Variants in ADGRF5 observed in about 807,000 individuals in gnomAD.
The protein encoded by ADGRF5 is G-protein coupled receptor 116.
In ADGRF5, 75 loss-of-function variants were observed where a neutral mutation model predicts 132.3. That is an observed-to-expected ratio of 0.57 (90% CI 0.47 to 0.69). The LOEUF is 0.69. ADGRF5 is among the 30% of genes least tolerant of loss of function. The probability of loss-of-function intolerance (pLI) is 0.00; values close to 1 mark genes in which losing one functional copy is unlikely to be tolerated. For synonymous variants in ADGRF5, 629 were observed against 597.6 expected, an observed-to-expected ratio of 1.05 and a Z score of -0.77; for missense variants, 1,516 against 1,630.6, an observed-to-expected ratio of 0.93 and a Z score of 1.21.
At chr6:46,893,409 T>G (rs865960842) in intron 3 of ADGRF5, among the ~76,000 whole-genome samples, 4 of 152,066 alleles carry the variant, frequency 2.6e-5, no homozygotes, top group African/African-American at 9.7e-5. Context: ...GATCAGCACC[T>G]AAGGAGCAGC....
chr6:46,948,420 C>A (rs979052007), intron 1 of ADGRF5, among the ~76,000 whole-genome samples: 18 of 151,412 alleles, frequency 1.2e-4, no homozygotes, highest in Admixed American at 1.1e-3. Flanking sequence ...CAGAAACTGG[C>A]CTAGAATAAT....
chr6:46,899,493 T>A (rs1445086151), intron 3 of ADGRF5, among the ~76,000 whole-genome samples: 1 of 152,046 alleles, frequency 6.6e-6, no homozygotes, highest in Non-Finnish European at 1.5e-5. Flanking sequence ...TGTTTCAGAA[T>A]TTGCAGCTCT....
intron 6 of ADGRF5, among the ~76,000 whole-genome samples, chr6:46,882,790 C>T (rs1772623042): frequency 6.6e-6 from 1 of 152,374 alleles, no homozygotes; most frequent in East Asian, 1.9e-4. Flanking sequence ...AAGAGCTCTT[C>T]TGAAGCGGCA....
intron 15 of ADGRF5, among the ~76,000 whole-genome samples, chr6:46,862,054 A>G (rs932475829): frequency 6.6e-6 from 1 of 152,138 alleles, no homozygotes; most frequent in African/African-American, 2.4e-5. Context: ...CCTTGACAGC[A>G]CCTATAATCA....
intron 4 of ADGRF5, among the ~76,000 whole-genome samples, chr6:46,885,450 A>G (rs1324290826): frequency 6.6e-6 from 1 of 152,186 alleles, no homozygotes; most frequent in East Asian, 1.9e-4. Flanking sequence ...CCTGCTTAGG[A>G]CACAAAGACA....
chr6:46,914,677 A>G (rs1357813603), intron 1 of ADGRF5, among the ~76,000 whole-genome samples: 1 of 151,516 alleles, frequency 6.6e-6, no homozygotes, highest in Non-Finnish European at 1.5e-5. Context: ...AAAGATTGCC[A>G]TCTATGTGAA....
chr6:46,945,361 T>C (rs1435483114), intron 1 of ADGRF5, among the ~76,000 whole-genome samples: 3 of 152,236 alleles, frequency 2.0e-5, no homozygotes, highest in Non-Finnish European at 4.4e-5. Flanking sequence ...ACATCCATCC[T>C]GAAAGAGAAC....
intron 4 of ADGRF5, among the ~76,000 whole-genome samples, chr6:46,886,181 G>C (rs901986215): frequency 1.3e-5 from 2 of 152,234 alleles, no homozygotes; most frequent in Admixed American, 6.5e-5. Flanking sequence ...GTCCCACAGA[G>C]TGACTATCCA....
chr6:46,894,570 G>A (rs1251391599), intron 3 of ADGRF5, among the ~76,000 whole-genome samples: 1 of 152,144 alleles, frequency 6.6e-6, no homozygotes, highest in Admixed American at 6.5e-5. Flanking sequence ...CATGAAATGA[G>A]ACTTCATGAG....
At chr6:46,950,201 C>T (rs974425536) in intron 1 of ADGRF5, among the ~76,000 whole-genome samples, 2 of 152,112 alleles carry the variant, frequency 1.3e-5, no homozygotes, top group Non-Finnish European at 2.9e-5. Flanking sequence ...GAACATTGCC[C>T]GGGACAAGGC....
rs542513138 is a variant in ADGRF5, at chr6:46,856,310, G to A, written c.3877-252C>T. The stretch of plus-strand genomic sequence containing the variant: ...TGAAAGGCAGTCAGATATATCCAAG[G>A]GCAATAGTTGTGTTCCAAAATGAAC... On this transcript the variant is annotated intron_variant, in intron 19 of 20. Coordinates refer to ENST00000283296, the MANE Select transcript of ADGRF5 (RefSeq NM_001098518.2). 2.5e-3 allele frequency among the ~76,000 whole-genome samples: 374 copies of A among 152,176 alleles called. 4 individuals are homozygous for A. The highest frequency in any genetic ancestry group is 8.6e-3 in the African/African-American group (359 of 41,512).
intron 10 of ADGRF5, among the ~76,000 whole-genome samples, chr6:46,877,481 T>C (rs1191140482): frequency 6.6e-6 from 1 of 151,832 alleles, no homozygotes; most frequent in Non-Finnish European, 1.5e-5. Flanking sequence ...ATGCTTCAAA[T>C]TTGTGGTCAA....
At chr6:46,941,436 GAAAAGAAAAGAAA>G (rs1778070713) in intron 1 of ADGRF5, among the ~76,000 whole-genome samples, 1 of 54,910 alleles carries the variant, frequency 1.8e-5, no homozygotes, top group Non-Finnish European at 4.3e-5. Context: ...GAAAAGAAAA[GAAAAGAAAAGAAA>G]AGAAAAGAAA....
chr6:46,953,649 G>T (rs1200296371), intron 1 of ADGRF5, among the ~76,000 whole-genome samples: 1 of 91,494 alleles, frequency 1.1e-5, no homozygotes, highest in Non-Finnish European at 2.1e-5. Flanking sequence ...ATAGATATAT[G>T]TGTATATATA....
chr6:46,906,886 A>G (rs561419103), intron 1 of ADGRF5, 100 bp from the exon 2 acceptor site: 110 of 675,688 alleles, frequency 1.6e-4, no homozygotes, highest in Non-Finnish European at 2.6e-4. Flanking sequence ...CTACACAAGA[A>G]CTTTTCAAAA....
At chr6:46,897,197 G>T (rs1774277061) in intron 3 of ADGRF5, among the ~76,000 whole-genome samples, 1 of 151,140 alleles carries the variant, frequency 6.6e-6, no homozygotes, top group Non-Finnish European at 1.5e-5. Flanking sequence ...CAAGGGGCCA[G>T]TTAGGTTATG....
intron 15 of ADGRF5, among the ~76,000 whole-genome samples, chr6:46,862,297 C>T (rs931999208): frequency 7.2e-5 from 11 of 152,108 alleles, no homozygotes; most frequent in Admixed American, 1.3e-4. Context: ...AACAACAAAT[C>T]AAGTGTGGAG....
chr6:46,889,184 TAC>T (rs1464280826), intron 3 of ADGRF5, among the ~76,000 whole-genome samples: 1 of 54,280 alleles, frequency 1.8e-5, no homozygotes, highest in Admixed American at 1.5e-4. Context: ...TGTATGTGTA[TAC>T]ATATATATAT....
intron 1 of ADGRF5, among the ~76,000 whole-genome samples, chr6:46,943,322 T>C (rs1435618481): frequency 6.6e-6 from 1 of 152,232 alleles, no homozygotes; most frequent in East Asian, 1.9e-4. Context: ...TACAGATTTT[T>C]ATTTTTTAAA....
Sources: gnomAD v4.1 joint callset for allele counts (sites outside exome capture counted in the v4.1 genomes callset) on GRCh38, gnomAD v4.1.1 for gene constraint, MANE v1.5 for transcripts, NCBI Gene and HGNC (gene_info 2026-07-23, HGNC 2026-07-21) for gene names.